KLHL13: variants seen among roughly 807,000 people sequenced by gnomAD.
KLHL13 encodes kelch like family member 13.
KLHL13 carries 10 observed loss-of-function variants against 37.1 expected under a neutral mutation model. That is an observed-to-expected ratio of 0.27 (90% CI 0.17 to 0.46). KLHL13 has a LOEUF of 0.46. Ranked by LOEUF, KLHL13 falls within the 20% of genes least tolerant of loss-of-function variation. The pLI is 1.00. For synonymous variants in KLHL13, 163 were observed against 181.2 expected, an observed-to-expected ratio of 0.90 and a Z score of 0.81; for missense variants, 360 against 509.3, an observed-to-expected ratio of 0.71 and a Z score of 2.82.
At position 118,096,629 on chromosome X, in the gene KLHL13, A is replaced by G. The variant is rs146171522; in HGVS notation, c.-56+19879T>C. 9.1e-3 allele frequency among the ~76,000 whole-genome samples: 1,022 copies of G among 111,735 alleles called. 13 individuals are homozygous for G. Among genetic ancestry groups the G allele is most frequent in the African/African-American group, 0.031 (963 of 30,711 alleles). ...AGCCTGGCAGAGACACAACCAAAAA[A>G]GAGAATTTTAGACCAATATGCCTGA... On this transcript the variant is annotated intron_variant, in intron 1 of 6. Coordinates refer to the KLHL13 transcript ENST00000371882.
At chrX:117,925,672 T>C (rs1366788222) in intron 2 of KLHL13, among the ~76,000 whole-genome samples, 1 of 112,256 alleles carries the variant, frequency 8.9e-6, no homozygotes, top group Non-Finnish European at 1.9e-5. Flanking sequence ...CACTGCAATA[T>C]AGCACAACTT....
At chrX:117,940,535 G>A (rs1304641952) in intron 2 of KLHL13, among the ~76,000 whole-genome samples, 2 of 111,853 alleles carry the variant, frequency 1.8e-5, no homozygotes, top group African/African-American at 3.3e-5. Flanking sequence ...ACGTTGGGCA[G>A]TATGTCCATT....
intron 1 of KLHL13, among the ~76,000 whole-genome samples, chrX:118,052,651 C>A (rs1325384983): frequency 3.7e-5 from 4 of 108,995 alleles, no homozygotes; most frequent in Admixed American, 9.8e-5. Context: ...CATGGTGAAA[C>A]CCCGTCTCTA....
At chrX:117,945,355 A>G (rs758444209) in intron 2 of KLHL13, 79 bp downstream of exon 3, 2 of 996,212 alleles carry the variant, frequency 2.0e-6, no homozygotes, top group South Asian at 4.7e-5. Context: ...CTCCTCCACT[A>G]CTGACATCCT....
chrX:118,046,160 T>G (rs1306005918), intron 1 of KLHL13, among the ~76,000 whole-genome samples: 1 of 112,528 alleles, frequency 8.9e-6, no homozygotes, highest in Non-Finnish European at 1.9e-5. Flanking sequence ...AACAGATGAA[T>G]GGATAAAGAA....
Position 117,953,379 on chromosome X carries a change from G to A in KLHL13, c.99-7804C>T, listed in dbSNP as rs182057708. Among the ~76,000 whole-genome samples the A allele has an allele frequency of 5.7e-4, 62 of 109,732 alleles. 1 individual carries two copies. In the Admixed American group the frequency reaches 5.8e-3, roughly 10 times the overall value. Reference sequence around the variant, plus strand: ...TGAGAAAACATGGACACAAGAAGGGGAACATCACACTCTGGGGACTGTTGT... The same window carrying A: ...TGAGAAAACATGGACACAAGAAGGGAAACATCACACTCTGGGGACTGTTGT... On this transcript the variant is annotated intron_variant, in intron 1 of 6. Coordinates refer to ENST00000262820, the Ensembl canonical transcript of KLHL13.
chrX:117,972,663 C>T (rs2053543610), intron 1 of KLHL13: 4 of 966,333 alleles, frequency 4.1e-6, no homozygotes, highest in East Asian at 3.1e-5. Flanking sequence ...GCTCCCCCGC[C>T]CCCATTTTGC....
chrX:118,036,415 A>T lies in KLHL13; in HGVS notation c.-56+80093T>A, dbSNP rs185789527. 4.5e-3 allele frequency among the ~76,000 whole-genome samples: 507 copies of T among 111,460 alleles called. 1 individual carries two copies. The highest frequency in any genetic ancestry group is 7.2e-3 in the Non-Finnish European group (380 of 53,104). ...ACAGAGATATAGATCAATGAACAGA[A>T]CAGAGCCCTCAGAAACAACGCCGCA... On this transcript the variant is annotated intron_variant, in intron 1 of 6. Coordinates refer to the KLHL13 transcript ENST00000371882.
exon 5 of KLHL13, chrX:117,909,875 C>A: frequency 8.3e-7 from 1 of 1,211,479 alleles, no homozygotes; most frequent in Non-Finnish European, 1.1e-6. Flanking sequence ...CCAGGCGAAG[C>A]CAACGACAGG....
rs56373597 is a variant in KLHL13, at chrX:117,991,846, A to ACTCTCT, written c.-55-46277_-55-46272dup. Among the ~76,000 whole-genome samples, 576 of 63,475 alleles carry ACTCTCT rather than the reference A, an allele frequency of 9.1e-3. 13 individuals are homozygous for ACTCTCT. Among genetic ancestry groups the ACTCTCT allele is most frequent in the Middle Eastern group, 0.02 (2 of 101 alleles). 55.1% of individuals were successfully genotyped at this position (63,475 alleles called of 115,157 possible). A position where few individuals can be genotyped will look rare whatever the true frequency, so the allele number is the denominator to read the frequency against. On this transcript the variant is annotated intron_variant, in intron 1 of 6. Coordinates refer to the KLHL13 transcript ENST00000371882. ...TCAAAATATCTTCTCCTACAGTGAAACTCTCTCTCTCTCTCTCTCTCTCTC... is the reference window on the plus strand; with the variant it reads ...TCAAAATATCTTCTCCTACAGTGAAACTCTCTCTCTCTCTCTCTCTCTCTCTCTCTC...
At chrX:117,991,270 C>G (rs778968724) in intron 1 of KLHL13, among the ~76,000 whole-genome samples, 3 of 110,122 alleles carry the variant, frequency 2.7e-5, no homozygotes, top group South Asian at 3.9e-4. Context: ...CTTCTAGGAG[C>G]ATATTAATCC....
At chrX:117,913,818 G>C (rs1157218329) in intron 4 of KLHL13, among the ~76,000 whole-genome samples, 2 of 106,417 alleles carry the variant, frequency 1.9e-5, no homozygotes, top group African/African-American at 6.9e-5. Flanking sequence ...ACTCCAGCCT[G>C]GTGACAGAGC....
intron 1 of KLHL13, among the ~76,000 whole-genome samples, chrX:118,038,631 C>T (rs900216022): frequency 8.9e-6 from 1 of 111,798 alleles, no homozygotes; most frequent in Non-Finnish European, 1.9e-5. Flanking sequence ...AGATAAATTG[C>T]TTATCCCAAT....
intron 1 of KLHL13, among the ~76,000 whole-genome samples, chrX:118,086,057 C>G (rs181927143): frequency 9.1e-6 from 1 of 110,450 alleles, no homozygotes; most frequent in South Asian, 3.9e-4. Flanking sequence ...CCTGCCTCAG[C>G]CTCCCAAGTA....
intron 1 of KLHL13, among the ~76,000 whole-genome samples, chrX:118,067,372 T>C (rs2054806365): frequency 8.9e-6 from 1 of 111,737 alleles, no homozygotes; most frequent in Non-Finnish European, 1.9e-5. Context: ...GGTAAGTGAA[T>C]GTGAAGGCCT....
intron 2 of KLHL13, among the ~76,000 whole-genome samples, chrX:117,930,270 A>AGGCAGGCAGGC (rs1569418583): frequency 3.3e-5 from 3 of 89,591 alleles, no homozygotes; most frequent in African/African-American, 1.4e-4. Context: ...GGAAGGAAGG[A>AGGCAGGCAGGC]AGGAAGGAAG....
At chrX:118,051,789 A>T (rs747425865) in intron 1 of KLHL13, among the ~76,000 whole-genome samples, 1 of 111,157 alleles carries the variant, frequency 9.0e-6, no homozygotes, top group South Asian at 3.8e-4. Context: ...GAGAAGGTGG[A>T]CATTTTGTAC....
In KLHL13 at chrX:118,000,561, A is replaced by AT. The variant is rs201302463; in HGVS notation, c.-55-54987dup. Among the ~76,000 whole-genome samples, 91 of 111,817 alleles carry AT rather than the reference A, an allele frequency of 8.1e-4. No individual in the cohort carries two copies. The East Asian group carries it at 0.019, about 23-fold the overall frequency. On this transcript the variant is annotated intron_variant, in intron 1 of 6. Transcript: ENST00000371882. ...TGTGGACCAATGAAATTTCAAAAACATTTTGGGGTCCTACATAGGATACTC... is the reference window on the plus strand; with the variant it reads ...TGTGGACCAATGAAATTTCAAAAACATTTTTGGGGTCCTACATAGGATACTC...
chrX:117,929,408 T>C lies in KLHL13; in HGVS notation c.241-9038A>G, dbSNP rs140382069. ...GATCAAAATCCATCGGGCACAAAGATGTAAAAATTTTCAACAAAATTTTAA... is the reference window on the plus strand; with the variant it reads ...GATCAAAATCCATCGGGCACAAAGACGTAAAAATTTTCAACAAAATTTTAA... On this transcript the variant is annotated intron_variant, in intron 2 of 6. Transcript: ENST00000262820. Among the ~76,000 whole-genome samples the C allele has an allele frequency of 8.1e-3, 907 of 111,304 alleles. 8 individuals are homozygous for C. Among genetic ancestry groups the C allele is most frequent in the African/African-American group, 0.028 (860 of 30,602 alleles).
Sources: gnomAD v4.1 joint callset for allele counts (sites outside exome capture counted in the v4.1 genomes callset) on GRCh38, gnomAD v4.1.1 for gene constraint, MANE v1.5 for transcripts, NCBI Gene and HGNC (gene_info 2026-07-23, HGNC 2026-07-21) for gene names.